The following ANKS1B variants were observed in gnomAD, a reference collection of about 807,000 sequenced individuals.
ANKS1B encodes ankyrin repeat and sterile alpha motif domain-containing protein 1B.
In ANKS1B, 36 loss-of-function variants were observed where a neutral mutation model predicts 148.3. That is an observed-to-expected ratio of 0.24 (90% CI 0.19 to 0.32). The LOEUF is 0.32. Ranked by LOEUF, ANKS1B falls within the 10% of genes least tolerant of loss-of-function variation. ANKS1B has a pLI of 1.00. For missense variants in ANKS1B, 1,157 were observed against 1,542.6 expected, an observed-to-expected ratio of 0.75 and a Z score of 4.19; for synonymous variants, 542 against 560.8, an observed-to-expected ratio of 0.97 and a Z score of 0.47.
At chr12:99,702,054 C>A (rs2054919183) in intron 8 of ANKS1B, among the ~76,000 whole-genome samples, 1 of 152,108 alleles carries the variant, frequency 6.6e-6, no homozygotes, top group Admixed American at 6.5e-5. Flanking sequence ...GAGTTTATAT[C>A]TAGCAGTGGG....
intron 22 of ANKS1B, chr12:98,795,694 C>A (rs2098942127): frequency 2.2e-6 from 1 of 445,032 alleles, no homozygotes; most frequent in Non-Finnish European, 4.5e-6. Flanking sequence ...CAAAACAAAA[C>A]AAAAAACAAA....
intron 8 of ANKS1B, among the ~76,000 whole-genome samples, chr12:99,716,058 G>A (rs762993101): frequency 1.5e-4 from 23 of 151,984 alleles, no homozygotes; most frequent in Admixed American, 3.9e-4. Context: ...AGCAAGTCCC[G>A]CTTTTCTGGG....
chr12:99,829,600 G>A (rs536917408), intron 1 of ANKS1B, among the ~76,000 whole-genome samples: 2 of 152,212 alleles, frequency 1.3e-5, no homozygotes, highest in African/African-American at 4.8e-5. Flanking sequence ...GCAGTAAGCC[G>A]AGATCGCACC....
At chr12:99,649,949 C>T (rs1338353169) in intron 9 of ANKS1B, 2 of 154,156 alleles carry the variant, frequency 1.3e-5, no homozygotes, top group East Asian at 1.9e-4. Flanking sequence ...GCAGTAATAA[C>T]CTCAAAGCCC....
chr12:99,836,149 C>A (rs1328953909), intron 1 of ANKS1B, among the ~76,000 whole-genome samples: 1 of 152,082 alleles, frequency 6.6e-6, no homozygotes, highest in African/African-American at 2.4e-5. Flanking sequence ...AACTGTAGAC[C>A]ATGAGCCACA....
chr12:99,255,474 T>C (rs2075149326), intron 12 of ANKS1B, among the ~76,000 whole-genome samples: 3 of 152,108 alleles, frequency 2.0e-5, no homozygotes. Context: ...TTCTATTTCA[T>C]TCATTTCTGT....
At chr12:98,753,173 T>A (rs1452278871) in intron 25 of ANKS1B, among the ~76,000 whole-genome samples, 2 of 152,248 alleles carry the variant, frequency 1.3e-5, no homozygotes, top group East Asian at 1.9e-4. Context: ...CAATCAGTCC[T>A]TTTCTCAAGA....
At chr12:98,862,277 T>G (rs2099603015) in intron 17 of ANKS1B, among the ~76,000 whole-genome samples, 1 of 152,138 alleles carries the variant, frequency 6.6e-6, no homozygotes, top group Non-Finnish European at 1.5e-5. Context: ...GCCTACCACT[T>G]CTCAGCCATG....
chr12:99,867,286 T>TC (rs11420538), intron 1 of ANKS1B, among the ~76,000 whole-genome samples: 5,377 of 152,078 alleles, frequency 0.035, 274 homozygotes, highest in African/African-American at 0.12. Context: ...CCCCATCCCC[T>TC]CCCCATTGCA....
At chr12:99,235,024 T>G (rs2087636122) in intron 14 of ANKS1B, among the ~76,000 whole-genome samples, 1 of 152,180 alleles carries the variant, frequency 6.6e-6, no homozygotes, top group African/African-American at 2.4e-5. Flanking sequence ...AGCCAGCCTC[T>G]GTTAATAACA....
rs911184000 is a variant in ANKS1B, at chr12:99,664,995, T to C, written c.1129-9785A>G. Among the ~76,000 whole-genome samples the C allele has an allele frequency of 4.2e-4, 64 of 152,208 alleles. 1 individual carries two copies. The highest frequency in any genetic ancestry group is 3.7e-3 in the Admixed American group (57 of 15,286). On this transcript the variant is annotated intron_variant, in intron 8 of 26. Coordinates refer to ENST00000683438, the MANE Select transcript of ANKS1B (RefSeq NM_001352186.2). ...AAAGTAATATTCCATTGTATGGCTATACCAAAGTTTTGTTTATACATTCAT... is the reference window on the plus strand; with the variant it reads ...AAAGTAATATTCCATTGTATGGCTACACCAAAGTTTTGTTTATACATTCAT...
chr12:99,096,381 A>AT (rs1566042212), intron 15 of ANKS1B, among the ~76,000 whole-genome samples: 2 of 152,096 alleles, frequency 1.3e-5, no homozygotes, highest in African/African-American at 4.8e-5. Flanking sequence ...GAAAAAAAAA[A>AT]ATTTTTCCAC....
rs542982513 is a variant in ANKS1B, at chr12:98,749,291, T to G, written c.3747+2064A>C. Among the ~76,000 whole-genome samples the G allele has an allele frequency of 5.3e-5, 8 of 151,518 alleles. No individual in the cohort carries two copies. In the East Asian group the frequency reaches 1.6e-3, roughly 30 times the overall value. ...CTTTTTTTTTTTTTTGTATTTTTAG[T>G]AGAGACGGGGTTTCACCGTGTTAGC... On this transcript the variant is annotated intron_variant, in intron 26 of 26. Coordinates refer to ENST00000683438, the MANE Select transcript of ANKS1B (RefSeq NM_001352186.2).
chr12:99,758,259 C>T (rs1248065121), intron 8 of ANKS1B, among the ~76,000 whole-genome samples: 1 of 151,720 alleles, frequency 6.6e-6, no homozygotes, highest in African/African-American at 2.4e-5. Context: ...TCTGTGTGTC[C>T]AACACACTGC....
intron 17 of ANKS1B, among the ~76,000 whole-genome samples, chr12:98,904,353 G>C (rs970560374): frequency 6.6e-6 from 1 of 151,924 alleles, no homozygotes; most frequent in Non-Finnish European, 1.5e-5. Context: ...AAAGATGAAG[G>C]TTCTGCTGTT....
intron 9 of ANKS1B, among the ~76,000 whole-genome samples, chr12:99,590,966 A>C (rs2097696907): frequency 6.6e-6 from 1 of 152,116 alleles, no homozygotes; most frequent in South Asian, 2.1e-4. Context: ...ATTATTGCAA[A>C]TTCAGTGTCC....
chr12:98,800,675 G>GATATATATATAT lies in ANKS1B; in HGVS notation c.3270+310_3270+321dup, dbSNP rs3049844. ...ACCCAGTGTTTGGTGAGTGAGCAGA[G>GATATATATATAT]ATATATATATATATATGCCATATTT... On this transcript the variant is annotated intron_variant, in intron 21 of 26. Transcript: ENST00000683438. Among the ~76,000 whole-genome samples the GATATATATATAT allele has an allele frequency of 3.6e-3, 358 of 99,680 alleles. 31 individuals carry two copies. Among genetic ancestry groups the GATATATATATAT allele is most frequent in the African/African-American group, 0.011 (330 of 29,506 alleles). The allele number at this position is 99,680 out of a possible 152,430, so 65.4% of individuals were successfully genotyped here. A position where few individuals can be genotyped will look rare whatever the true frequency, so the allele number is the denominator to read the frequency against.
At chr12:99,532,562 G>T (rs10860458) in intron 9 of ANKS1B, among the ~76,000 whole-genome samples, 26,584 of 151,986 alleles carry the variant, frequency 0.17, 2,543 homozygotes, top group East Asian at 0.24. Flanking sequence ...GGGTTTCATC[G>T]TGTTAGCCAG....
intron 17 of ANKS1B, among the ~76,000 whole-genome samples, chr12:98,867,795 G>A (rs1303716460): frequency 6.6e-6 from 1 of 151,526 alleles, no homozygotes; most frequent in Non-Finnish European, 1.5e-5. Flanking sequence ...CCGGGAGGAG[G>A]AGCTTGCAGT....
Sources: allele counts gnomAD v4.1 joint callset (sites outside exome capture counted in the v4.1 genomes callset), GRCh38; gene constraint gnomAD v4.1.1; transcripts MANE v1.5; gene names NCBI Gene and HGNC (gene_info 2026-07-23, HGNC 2026-07-21).